FBLN1: variants seen among roughly 807,000 people sequenced by gnomAD.
FBLN1 encodes fibulin 1.
Under a neutral mutation model 89.7 loss-of-function variants are expected in FBLN1, and 34 were observed. The ratio of observed to expected loss-of-function variants is 0.38; its 90% CI spans 0.29 to 0.50. The LOEUF is 0.50. FBLN1 is among the 20% of genes least tolerant of loss of function. FBLN1 has a pLI of 0.92. For missense variants in FBLN1, 777 were observed against 988.1 expected (o/e 0.79, Z 2.86); for synonymous variants, 393 against 391.3 (o/e 1.00, Z -0.05).
At position 45,597,694 on chromosome 22, in the gene FBLN1, A is replaced by T. The variant is rs1010197426; in HGVS notation, c.1973-2613A>T. On this transcript the variant is annotated intron_variant, in intron 16 of 16. Transcript: ENST00000327858. The surrounding 1 kb of genome is among the most constrained non-coding windows in gnomAD (Gnocchi z 4.2). ...GCACGTCTTTTGCCGGGAGCTGAAGACGTTCATGGGCTTTCAAGCAGGACA... is the reference window on the plus strand; with the variant it reads ...GCACGTCTTTTGCCGGGAGCTGAAGTCGTTCATGGGCTTTCAAGCAGGACA... 5.9e-5 allele frequency among the ~76,000 whole-genome samples: 9 copies of T among 152,098 alleles called. No homozygotes were observed. Among genetic ancestry groups the T allele is most frequent in the Admixed American group, 5.2e-4 (8 of 15,270 alleles).
At chr22:45,567,444 C>T (rs148817850) in intron 14 of FBLN1, among the ~76,000 whole-genome samples, 1,645 of 152,250 alleles carry the variant, frequency 0.011, 40 homozygotes, top group African/African-American at 0.038. Flanking sequence ...GATGAAACCC[C>T]GTCTTTACCA....
Position 45,530,641 on chromosome 22 carries a change from G to T in FBLN1, c.485-624G>T, listed in dbSNP as rs1378587375. Among the ~76,000 whole-genome samples the T allele has an allele frequency of 6.6e-6, 1 of 152,184 alleles. No individual in the cohort carries two copies. The highest frequency in any genetic ancestry group is 6.5e-5 in the Admixed American group (1 of 15,282). Reference sequence around the variant, plus strand: ...ATTGCTTTAGACTTGGAGGGCGTGTGTTGGTTGTTAGCAAGGCTGTGACTG... The same window carrying T: ...ATTGCTTTAGACTTGGAGGGCGTGTTTTGGTTGTTAGCAAGGCTGTGACTG... On this transcript the variant is annotated intron_variant, in intron 4 of 16. Coordinates refer to ENST00000327858, the MANE Select transcript of FBLN1 (RefSeq NM_006486.3). The surrounding 1 kb of genome is among the most constrained non-coding windows in gnomAD (Gnocchi z 5.4).
At chr22:45,587,654 C>T (rs1235163300) in intron 16 of FBLN1, among the ~76,000 whole-genome samples, 4 of 152,084 alleles carry the variant, frequency 2.6e-5, no homozygotes, top group African/African-American at 4.8e-5. Flanking sequence ...ACTGGCCTTC[C>T]GGCTCTGCAG....
intron 9 of FBLN1, among the ~76,000 whole-genome samples, chr22:45,541,719 A>G (rs1380722603): frequency 6.6e-6 from 1 of 152,202 alleles, no homozygotes; most frequent in Non-Finnish European, 1.5e-5. Flanking sequence ...AATTCAGGCA[A>G]TGTGGGTCTG....
chr22:45,594,179 G>A (rs1266087870), intron 16 of FBLN1, among the ~76,000 whole-genome samples: 1 of 152,230 alleles, frequency 6.6e-6, no homozygotes, highest in Non-Finnish European at 1.5e-5. Context: ...TGTGGGCAGC[G>A]AGTGTTCCTT....
rs1569261737 is a variant in FBLN1 at position 45,572,861 on chromosome 22, A to G, written c.1698-1650A>G. ...TGCTGAACTGCACCGTGAGGATGCA[A>G]TCAGCAAAGTCCAGCCTGTAGGAAA... On this transcript the variant is annotated intron_variant, in intron 14 of 16. Transcript: ENST00000327858. The surrounding 1 kb of genome is among the most constrained non-coding windows in gnomAD (Gnocchi z 5.8). 6.6e-6 allele frequency among the ~76,000 whole-genome samples: 1 copy of G among 152,240 alleles called. No homozygotes were observed. Among genetic ancestry groups the G allele is most frequent in the Non-Finnish European group, 1.5e-5 (1 of 68,048 alleles).
intron 16 of FBLN1, among the ~76,000 whole-genome samples, chr22:45,587,760 C>G (rs1179111730): frequency 6.6e-6 from 1 of 152,218 alleles, no homozygotes; most frequent in African/African-American, 2.4e-5. Flanking sequence ...CCTCTCTCCT[C>G]TCCTGGACTG....
At chr22:45,566,139 A>G (rs1161371192) in intron 14 of FBLN1, among the ~76,000 whole-genome samples, 2 of 152,100 alleles carry the variant, frequency 1.3e-5, no homozygotes, top group South Asian at 4.1e-4. Context: ...TCAGGCATCC[A>G]TTTGTCAGGG....
In FBLN1 at chr22:45,523,682, C is replaced by T. The variant is rs1048453419; in HGVS notation, c.186-1861C>T. 3.9e-5 allele frequency among the ~76,000 whole-genome samples: 6 copies of T among 152,206 alleles called. No individual in the cohort carries two copies. The East Asian group carries it at 5.8e-4, about 15-fold the overall frequency. ...TCGCAACATTGCACTCCAGCCTGGG[C>T]GACAGAGCAAGACTCCATCTCAAAA... On this transcript the variant is annotated intron_variant, in intron 2 of 16. Coordinates refer to ENST00000327858, the MANE Select transcript of FBLN1 (RefSeq NM_006486.3).
Position 45,550,420 on chromosome 22 carries a change from C to T in FBLN1, c.1574-72C>T. On this transcript the variant is annotated intron_variant, in intron 13 of 16. Transcript: ENST00000327858. This position sits in a 1 kb window ranked among gnomAD's most constrained non-coding sequence, Gnocchi z 8.4. ...AACCCTAGTTGATGGGAGGCCTGGG[C>T]TCCTCCGTCTCCAGATGGGTATGGC... is the stretch of plus-strand genomic sequence containing the variant. The T allele has an allele frequency of 6.2e-7, 1 of 1,609,516 alleles. No individual in the cohort carries two copies. Among genetic ancestry groups the T allele is most frequent in the South Asian group, 1.1e-5 (1 of 90,968 alleles).
In FBLN1 at chr22:45,518,775, C is replaced by A. The variant is rs762072523; in HGVS notation, c.173C>A (p.Ser58Tyr). The stretch of plus-strand genomic sequence containing the variant: ...TGCTCGCTGCCATATGCTACGGAAT[C>A]CAAAGAATGCAGGTACGTTTGCCAG... The part of the protein sequence containing the change: ...KDCSLPYATE[S>Y]KECRMVQEQC... Residue 58 changes from serine (S) to tyrosine (Y), a missense_variant, in exon 2 of 17, where the codon TCC (serine) becomes TAC (tyrosine). Coordinates refer to ENST00000327858, the MANE Select transcript of FBLN1 (RefSeq NM_006486.3). 7 of 1,610,152 alleles carry A rather than the reference C, an allele frequency of 4.3e-6. No homozygotes were observed. In the South Asian group the frequency reaches 6.7e-5, roughly 15 times the overall value.
At chr22:45,503,282 G>T in intron 1 of FBLN1, 1 of 302,324 alleles carries the variant, frequency 3.3e-6, no homozygotes. Flanking sequence ...TTCAAAACCG[G>T]ATTCCCCCAC....
rs374660255 is a variant in FBLN1, at chr22:45,531,337, C to T, written c.544+13C>T. On this transcript the variant is annotated intron_variant, in intron 5 of 16. Transcript: ENST00000327858. This position sits in a 1 kb window ranked among gnomAD's most constrained non-coding sequence, Gnocchi z 4.9. ...GACCGCTGCCGAGGTGAGACTCGGG[C>T]GTCTCCCATCAGTTGGTATTTAAAC... The T allele has an allele frequency of 8.7e-5, 141 of 1,611,594 alleles. 2 individuals are homozygous for T. The South Asian group carries it at 1.3e-3, about 15-fold the overall frequency.
intron 1 of FBLN1, chr22:45,518,438 G>C: frequency 1.7e-6 from 1 of 576,070 alleles, no homozygotes; most frequent in South Asian, 1.9e-5. Context: ...CCGCAGCCCT[G>C]TCCAAGCTGG....
Position 45,542,170 on chromosome 22 carries a change from C to T in FBLN1, c.1082C>T (p.Ala361Val), listed in dbSNP as rs143976947. ...GTRCVDVDECAPPAEPCGKGH... is the reference protein window; with the variant it reads ...GTRCVDVDECVPPAEPCGKGH... ...CCTTTGCAAGATGTGGACGAGTGCG[C>T]GCCACCTGCTGAGCCCTGTGGGAAG... The change falls in exon 10 of 17, where the codon GCG becomes GTG. Residue 361 changes from alanine to valine, a missense_variant. Physicochemically the swap from Ala to Val is moderately conservative, Grantham distance 64. Transcript: ENST00000327858. 124 of 1,614,182 alleles carry T rather than the reference C, an allele frequency of 7.7e-5. No individual in the cohort carries two copies. In the Middle Eastern group the frequency reaches 8.2e-4, roughly 11 times the overall value.
At position 45,533,858 on chromosome 22, in the gene FBLN1, C is replaced by T. The variant is rs113516927; in HGVS notation, c.744C>T (p.Cys248=). ...GSFRCQRDSS[C]GTGYELTEDN... is the part of the protein sequence containing the mutation. Reference sequence around the variant, plus strand: ...TCCGCTGCCAGCGGGACAGCAGCTGCGGGACTGGCTATGAGCTCACAGAGG... The same window carrying T: ...TCCGCTGCCAGCGGGACAGCAGCTGTGGGACTGGCTATGAGCTCACAGAGG... The change falls in exon 7 of 17, where the codon TGC becomes TGT. Residue 248 remains cysteine, a synonymous_variant. Coordinates refer to ENST00000327858, the MANE Select transcript of FBLN1 (RefSeq NM_006486.3). 74 of 1,614,072 alleles carry T rather than the reference C, an allele frequency of 4.6e-5. No individual in the cohort carries two copies. The highest frequency in any genetic ancestry group is 3.7e-4 in the Admixed American group (22 of 60,024).
chr22:45,513,165 G>A (rs1335735872), intron 1 of FBLN1, among the ~76,000 whole-genome samples: 1 of 152,196 alleles, frequency 6.6e-6, no homozygotes, highest in Non-Finnish European at 1.5e-5. Context: ...AGGCAAGTAA[G>A]TCAACGGGCA....
rs2088961819 is a variant in FBLN1 at position 45,572,761 on chromosome 22, G to A, written c.1698-1750G>A. ...CACTACCACCTACCATCTTGCCAAAGGGACCGGGCCTGCATGGGATCAGGC... is the reference window on the plus strand; with the variant it reads ...CACTACCACCTACCATCTTGCCAAAAGGACCGGGCCTGCATGGGATCAGGC... On this transcript the variant is annotated intron_variant, in intron 14 of 16. Transcript: ENST00000327858. This position sits in a 1 kb window ranked among gnomAD's most constrained non-coding sequence, Gnocchi z 5.8. Among the ~76,000 whole-genome samples the A allele has an allele frequency of 6.6e-6, 1 of 152,232 alleles. No individual in the cohort carries two copies. The highest frequency in any genetic ancestry group is 6.5e-5 in the Admixed American group (1 of 15,272).
At chr22:45,599,879 T>C (rs903222349) in intron 16 of FBLN1, among the ~76,000 whole-genome samples, 2 of 152,178 alleles carry the variant, frequency 1.3e-5, no homozygotes, top group Non-Finnish European at 2.9e-5. Flanking sequence ...ATCACGCCAT[T>C]GCACTCCAGC....
Sources: gnomAD v4.1 joint callset for allele counts (sites outside exome capture counted in the v4.1 genomes callset) on GRCh38, gnomAD v4.1.1 for gene constraint, Gnocchi (gnomAD v3.1) non-coding constraint, MANE v1.5 for transcripts, NCBI Gene and HGNC (gene_info 2026-07-23, HGNC 2026-07-21) for gene names.